Variants in PLCE1 observed in about 807,000 individuals in gnomAD.
The protein encoded by PLCE1 is 1-phosphatidylinositol 4,5-bisphosphate phosphodiesterase epsilon-1.
PLCE1 carries 119 observed loss-of-function variants against 242.8 expected under a neutral mutation model. The observed-to-expected ratio is 0.49, with a 90% CI of 0.42 to 0.57. The LOEUF (loss-of-function observed/expected upper bound fraction) is 0.57, where lower values mean the gene tolerates loss of function less well. Among genes scored for constraint, PLCE1 ranks in the 20% least tolerant of loss-of-function variants. The pLI is 0.00. For synonymous variants in PLCE1, 945 were observed against 1,017.4 expected (o/e 0.93, Z 1.35); for missense variants, 2,441 against 2,788.8 (o/e 0.88, Z 2.81).
intron 3 of PLCE1, among the ~76,000 whole-genome samples, chr10:94,154,989 T>G (rs2047385925): frequency 6.6e-6 from 1 of 151,458 alleles, no homozygotes; most frequent in South Asian, 2.1e-4. Context: ...AGAAAACTAG[T>G]GTTGACAAGG....
At chr10:94,029,520 G>T (rs1218782819) in intron 1 of PLCE1, among the ~76,000 whole-genome samples, 1 of 152,144 alleles carries the variant, frequency 6.6e-6, no homozygotes, top group African/African-American at 2.4e-5. Context: ...ATTGCTGTGT[G>T]ATAGGATTTG....
chr10:94,163,845 A>C lies in PLCE1; in HGVS notation c.1493-7335A>C, dbSNP rs181879041. On this transcript the variant is annotated intron_variant, in intron 3 of 32. Transcript: ENST00000371380. ...CTTCCTTCAGGAGCTCTTTTAGGGT[A>C]GGCCTGGTGGTGACAAAATCTCTTA... 1.6e-4 allele frequency among the ~76,000 whole-genome samples: 24 copies of C among 152,302 alleles called. 1 individual carries two copies. Among genetic ancestry groups the C allele is most frequent in the Admixed American group, 1.3e-3 (20 of 15,290 alleles).
At chr10:94,287,021 A>C (rs1214974439) in intron 22 of PLCE1, 1 of 152,186 alleles carries the variant, frequency 6.6e-6, no homozygotes, top group African/African-American at 2.4e-5. Context: ...AGGAGCACAA[A>C]TTCCCAAAGA....
chr10:94,087,349 C>CAAAA (rs57482986), intron 2 of PLCE1, among the ~76,000 whole-genome samples: 2 of 67,494 alleles, frequency 3.0e-5, no homozygotes, highest in African/African-American at 5.9e-5. Context: ...GACCCTGTCT[C>CAAAA]AAAAAAAAAA....
intron 32 of PLCE1, among the ~76,000 whole-genome samples, chr10:94,326,806 T>A (rs990558421): frequency 6.6e-6 from 1 of 152,230 alleles, no homozygotes; most frequent in Non-Finnish European, 1.5e-5. Flanking sequence ...ACTTTTTTTT[T>A]CTTTTTCTAA....
rs1351334345 is a variant in PLCE1, at chr10:94,259,115, T to C, written c.3779T>C (p.Ile1260Thr). Residue 1260 changes from isoleucine to threonine, a missense_variant, in exon 13 of 33, where the codon ATT (isoleucine) becomes ACT (threonine). By Grantham distance (89) the Ile-to-Thr change is moderately conservative (BLOSUM62 -1). This residue lies in a region of PLCE1 where 1,004 missense variants were observed against 1,322.7 expected (regional missense o/e 0.76). Coordinates refer to ENST00000371380, the MANE Select transcript of PLCE1 (RefSeq NM_016341.4). ...ESAPLYTNLTIDENTSDLQPD... is the reference protein window; with the variant it reads ...ESAPLYTNLTTDENTSDLQPD... The stretch of plus-strand genomic sequence containing the variant: ...GCCCCACTCTACACCAACCTGACAA[T>C]TGATGAAAACACCAGCGATCTTCAG... The C allele has an allele frequency of 3.1e-6, 5 of 1,613,914 alleles. No homozygotes were observed. The highest frequency in any genetic ancestry group is 2.2e-5 in the East Asian group (1 of 44,898).
At chr10:94,087,071 A>G (rs2044853677) in intron 2 of PLCE1, among the ~76,000 whole-genome samples, 1 of 152,128 alleles carries the variant, frequency 6.6e-6, no homozygotes, top group Admixed American at 6.5e-5. Flanking sequence ...TTGCTGGCCA[A>G]ACACAGTGGC....
intron 22 of PLCE1, among the ~76,000 whole-genome samples, chr10:94,285,775 G>GA (rs2133350735): frequency 6.6e-6 from 1 of 152,258 alleles, no homozygotes; most frequent in South Asian, 2.1e-4. Context: ...GGGTAGCAAG[G>GA]CCCCACCCAA....
intron 1 of PLCE1, among the ~76,000 whole-genome samples, chr10:94,021,692 C>G (rs1388342204): frequency 6.6e-6 from 1 of 152,104 alleles, no homozygotes; most frequent in Non-Finnish European, 1.5e-5. Context: ...CAATTTTTCT[C>G]TCTTCTAAGA....
At chr10:94,011,854 C>A (rs2061174493) in intron 1 of PLCE1, among the ~76,000 whole-genome samples, 1 of 151,924 alleles carries the variant, frequency 6.6e-6, no homozygotes, top group Non-Finnish European at 1.5e-5. Flanking sequence ...CTCTTCTTTC[C>A]CTCTCTCCCT....
Position 94,067,522 on chromosome 10 carries a change from T to G in PLCE1, c.1206+35270T>G, listed in dbSNP as rs143963450. On this transcript the variant is annotated intron_variant, in intron 2 of 32. Transcript: ENST00000371380. ...AGTCAGGTTCAAGGCAGGATACACA[T>G]GGCACATCAAACTGGACAATATGAA... 1.1e-3 allele frequency among the ~76,000 whole-genome samples: 163 copies of G among 152,266 alleles called. 1 individual carries two copies. The highest frequency in any genetic ancestry group is 3.7e-3 in the African/African-American group (155 of 41,544).
chr10:94,257,801 T>G (rs558818678), intron 11 of PLCE1, among the ~76,000 whole-genome samples: 32 of 152,200 alleles, frequency 2.1e-4, no homozygotes, highest in African/African-American at 7.0e-4. Flanking sequence ...GGGATAGCAT[T>G]AGGAGATATA....
chr10:94,084,017 A>T (rs767405841), intron 2 of PLCE1, among the ~76,000 whole-genome samples: 13 of 152,310 alleles, frequency 8.5e-5, no homozygotes, highest in Non-Finnish European at 1.8e-4. Flanking sequence ...AGGCTATCAC[A>T]TAGGGCACTT....
chr10:94,247,667 T>C (rs895071760), intron 8 of PLCE1, among the ~76,000 whole-genome samples: 1 of 152,218 alleles, frequency 6.6e-6, no homozygotes, highest in African/African-American at 2.4e-5. Flanking sequence ...TATGTGGAGT[T>C]CTTCTTTATT....
chr10:93,996,507 A>G (rs1259271602), intron 1 of PLCE1, among the ~76,000 whole-genome samples: 1 of 152,056 alleles, frequency 6.6e-6, no homozygotes, highest in African/African-American at 2.4e-5. Context: ...CAAAGAGGAG[A>G]GTTGGAGATG....
chr10:94,085,153 G>A (rs1258921849), intron 2 of PLCE1, among the ~76,000 whole-genome samples: 1 of 152,132 alleles, frequency 6.6e-6, no homozygotes, highest in Non-Finnish European at 1.5e-5. Context: ...TCTTGTGTTT[G>A]GGGGTACTAT....
chr10:94,319,431 T>C (rs2053699069), intron 29 of PLCE1, among the ~76,000 whole-genome samples: 1 of 152,206 alleles, frequency 6.6e-6, no homozygotes, highest in South Asian at 2.1e-4. Context: ...TAATAAGACA[T>C]ATAAGCAGTT....
intron 1 of PLCE1, among the ~76,000 whole-genome samples, chr10:93,997,598 C>A (rs976810869): frequency 6.7e-6 from 1 of 150,126 alleles, no homozygotes; most frequent in Non-Finnish European, 1.5e-5. Context: ...CCTACATTAA[C>A]CTCTGGGCTC....
intron 19 of PLCE1, chr10:94,279,504 A>G: frequency 2.1e-6 from 1 of 471,802 alleles, no homozygotes; most frequent in Non-Finnish European, 3.8e-6. Flanking sequence ...TTTCTCTTGG[A>G]GGGGTTGTCC....
Sources: gnomAD v4.1 joint callset for allele counts (sites outside exome capture counted in the v4.1 genomes callset) on GRCh38, gnomAD v4.1.1 for gene constraint, gnomAD v4.1.1 regional missense constraint, MANE v1.5 for transcripts, NCBI Gene and HGNC (gene_info 2026-07-23, HGNC 2026-07-21) for gene names.